The following RBFOX3 variants were observed in gnomAD, a reference collection of about 807,000 sequenced individuals.
RBFOX3 encodes the protein RNA binding protein fox-1 homolog 3.
RBFOX3 carries 17 observed loss-of-function variants against 48.7 expected under a neutral mutation model. The observed-to-expected ratio is 0.35, with a 90% confidence interval of 0.24 to 0.52. The LOEUF (loss-of-function observed/expected upper bound fraction) is 0.52. Ranked by LOEUF, RBFOX3 falls within the 20% of genes least tolerant of loss-of-function variation. The pLI, the probability that RBFOX3 is intolerant of heterozygous loss-of-function variation, is 0.94. For missense variants in RBFOX3, 382 were observed against 497.5 expected, an observed-to-expected ratio of 0.77 and a Z score of 2.21; for synonymous variants, 212 against 209.5, an observed-to-expected ratio of 1.01 and a Z score of -0.10.
chr17:79,296,141 C>T (rs575022211), intron 3 of RBFOX3, among the ~76,000 whole-genome samples: 3 of 152,298 alleles, frequency 2.0e-5, no homozygotes, highest in South Asian at 2.1e-4. Context: ...GCTGCTGACA[C>T]AGCCAAATTT....
At chr17:79,445,460 A>G (rs2072048177) in intron 2 of RBFOX3, among the ~76,000 whole-genome samples, 1 of 152,156 alleles carries the variant, frequency 6.6e-6, no homozygotes, top group African/African-American at 2.4e-5. Context: ...CCTCAGCCAC[A>G]GGCCTCAGGA....
chr17:79,347,026 C>A (rs774049295), intron 2 of RBFOX3, among the ~76,000 whole-genome samples: 9 of 152,160 alleles, frequency 5.9e-5, no homozygotes, highest in Non-Finnish European at 1.0e-4. Flanking sequence ...CTTTCCAATC[C>A]TTACACATCT....
At chr17:79,314,138 T>C (rs532956622) in intron 2 of RBFOX3, among the ~76,000 whole-genome samples, 1 of 152,212 alleles carries the variant, frequency 6.6e-6, no homozygotes, top group Admixed American at 6.5e-5. Flanking sequence ...AGTTTCTGAA[T>C]GGGTCACTCT....
chr17:79,443,824 G>A lies in RBFOX3; in HGVS notation c.-175+38630C>T, dbSNP rs1224373530. Among the ~76,000 whole-genome samples the A allele has an allele frequency of 6.6e-6, 1 of 152,138 alleles. No homozygotes were observed. The highest frequency in any genetic ancestry group is 2.4e-5 in the African/African-American group (1 of 41,424). ...CCCTTTATTTGCTGAGCCCCAGAGT[G>A]ACCCTCTGGGATGATGGTGGGAGGG... On this transcript the variant is annotated intron_variant, in intron 2 of 14. Coordinates refer to ENST00000693108, the MANE Select transcript of RBFOX3 (RefSeq NM_001350451.2). This position sits in a 1 kb window ranked among gnomAD's most constrained non-coding sequence, Gnocchi z 4.4.
intron 3 of RBFOX3, among the ~76,000 whole-genome samples, chr17:79,302,334 C>T (rs746533025): frequency 9.9e-5 from 15 of 152,160 alleles, no homozygotes; most frequent in African/African-American, 1.4e-4. Flanking sequence ...ACTAGTAAGA[C>T]GGAGCCAGGG....
chr17:79,394,635 T>G (rs912918301), intron 2 of RBFOX3, among the ~76,000 whole-genome samples: 6 of 152,046 alleles, frequency 3.9e-5, no homozygotes, highest in Non-Finnish European at 8.8e-5. Context: ...GTCCACAGAG[T>G]AAACAAATGG....
At chr17:79,172,693 CCCATATGACTATGG>C (rs2049609395) in intron 4 of RBFOX3, among the ~76,000 whole-genome samples, 1 of 152,150 alleles carries the variant, frequency 6.6e-6, no homozygotes, top group Non-Finnish European at 1.5e-5. Flanking sequence ...AACCAGGAGA[CCCATATGACTATGG>C]GTCCTGGAAA....
chr17:79,316,085 G>A (rs2077501477), intron 2 of RBFOX3, among the ~76,000 whole-genome samples: 2 of 152,254 alleles, frequency 1.3e-5, no homozygotes, highest in South Asian at 4.1e-4. Flanking sequence ...CACCCACTGA[G>A]CAGGCTGGGA....
intron 3 of RBFOX3, among the ~76,000 whole-genome samples, chr17:79,272,536 G>A (rs1166774152): frequency 1.3e-5 from 2 of 152,168 alleles, no homozygotes; most frequent in African/African-American, 2.4e-5. Flanking sequence ...CTGCCCACGC[G>A]GGGCCACGCA....
intron 1 of RBFOX3, among the ~76,000 whole-genome samples, chr17:79,586,513 C>T (rs1336914721): frequency 6.6e-6 from 1 of 152,312 alleles, no homozygotes; most frequent in East Asian, 1.9e-4. Flanking sequence ...ATGCGGCAGT[C>T]GCTGACTGGT....
intron 3 of RBFOX3, among the ~76,000 whole-genome samples, chr17:79,256,646 G>A (rs747980597): frequency 6.6e-6 from 1 of 152,098 alleles, no homozygotes; most frequent in Non-Finnish European, 1.5e-5. Flanking sequence ...TGCCAGGTAC[G>A]GTGGCTCATG....
intron 1 of RBFOX3, among the ~76,000 whole-genome samples, chr17:79,570,496 C>T (rs1042110738): frequency 3.3e-5 from 5 of 152,178 alleles, no homozygotes; most frequent in African/African-American, 7.2e-5. Flanking sequence ...ATCACAGCCA[C>T]GTTGCTCCTC....
At chr17:79,344,134 T>C (rs2082512287) in intron 2 of RBFOX3, among the ~76,000 whole-genome samples, 1 of 152,174 alleles carries the variant, frequency 6.6e-6, no homozygotes, top group Non-Finnish European at 1.5e-5. Context: ...GATGGATGAT[T>C]TGAGAATCAG....
the RBFOX3 span, among the ~76,000 whole-genome samples, chr17:79,652,589 G>GAGGAGAGGAGAGGAGAGGAA: frequency 5.4e-3 from 5 of 928 alleles, no homozygotes; most frequent in Non-Finnish European, 7.3e-3. Context: ...GAGGAGAGGA[G>GAGGAGAGGAGAGGAGAGGAA]AGGAGAGGAG....
chr17:79,464,446 G>A (rs1423209868), intron 2 of RBFOX3, among the ~76,000 whole-genome samples: 1 of 152,264 alleles, frequency 6.6e-6, no homozygotes, highest in Admixed American at 6.5e-5. Context: ...GGTGTCACGT[G>A]CACCTCGGCC....
At chr17:79,224,810 G>T (rs1034589294) in intron 4 of RBFOX3, among the ~76,000 whole-genome samples, 1 of 152,156 alleles carries the variant, frequency 6.6e-6, no homozygotes. Context: ...TCTTTCTCTT[G>T]TACTCATCCA....
intron 2 of RBFOX3, among the ~76,000 whole-genome samples, chr17:79,441,995 C>T (rs2071024952): frequency 6.6e-6 from 1 of 151,872 alleles, no homozygotes; most frequent in South Asian, 2.1e-4. Flanking sequence ...TGAGGAGCCA[C>T]TTACTCTGGG....
rs200928484 is a variant in RBFOX3, at chr17:79,306,104, T to C, written c.-74+1620A>G. ...ACGGAATCTAGCCGATAGGGCTCCA[T>C]GCTCTGCAGAAAACATCCTGACCCG... On this transcript the variant is annotated intron_variant, in intron 3 of 14. Transcript: ENST00000693108. Among the ~76,000 whole-genome samples, 15 of 152,358 alleles carry C rather than the reference T, an allele frequency of 9.8e-5. 1 individual carries two copies. In the East Asian group the frequency reaches 2.3e-3, roughly 24 times the overall value.
chr17:79,611,217 C>CTCT (rs2093967029), upstream of RBFOX3, among the ~76,000 whole-genome samples: 5 of 135,248 alleles, frequency 3.7e-5, no homozygotes, highest in East Asian at 2.4e-4. Flanking sequence ...CTCTCTCGTT[C>CTCT]CTCTGGCTCG....
Sources: allele counts gnomAD v4.1 joint callset (sites outside exome capture counted in the v4.1 genomes callset), GRCh38; gene constraint gnomAD v4.1.1; non-coding constraint Gnocchi (gnomAD v3.1); transcripts MANE v1.5; gene names NCBI Gene and HGNC (gene_info 2026-07-23, HGNC 2026-07-21).